The following GPC6 variants were observed in gnomAD, a reference collection of about 807,000 sequenced individuals.
GPC6 encodes glypican 6, also known as glypican-6.
GPC6 carries 14 observed loss-of-function variants against 55.2 expected under a neutral mutation model. That is an observed-to-expected ratio of 0.25 (90% confidence interval 0.17 to 0.40). GPC6 has a LOEUF of 0.40. GPC6 is among the 10% of genes least tolerant of loss of function. The pLI, the probability that GPC6 is intolerant of heterozygous loss-of-function variation, is 1.00. For synonymous variants in GPC6, 278 were observed against 259.6 expected, an observed-to-expected ratio of 1.07 and a Z score of -0.68; for missense variants, 641 against 708.5, an observed-to-expected ratio of 0.90 and a Z score of 1.08.
intron 4 of GPC6, among the ~76,000 whole-genome samples, chr13:94,121,177 A>C (rs1458753376): frequency 1.3e-5 from 2 of 152,004 alleles, no homozygotes; most frequent in Non-Finnish European, 2.9e-5. Flanking sequence ...GCAAGCTTAC[A>C]CCACCATGTG....
chr13:93,940,077 A>T (rs1439183058), intron 3 of GPC6, among the ~76,000 whole-genome samples: 1 of 152,192 alleles, frequency 6.6e-6, no homozygotes, highest in African/African-American at 2.4e-5. Context: ...CTCCCAAAGC[A>T]CTTTATTTCA....
intron 4 of GPC6, among the ~76,000 whole-genome samples, chr13:94,069,241 A>G (rs545432241): frequency 2.6e-5 from 4 of 152,210 alleles, no homozygotes; most frequent in Non-Finnish European, 5.9e-5. Flanking sequence ...CTGAAGCCAT[A>G]GCCAGAGCTG....
rs182178124 is a variant in GPC6, at chr13:93,980,078, C to T, written c.712-47651C>T. Among the ~76,000 whole-genome samples the T allele has an allele frequency of 2.2e-3, 331 of 152,220 alleles. 1 individual carries two copies. The highest frequency in any genetic ancestry group is 7.4e-3 in the African/African-American group (309 of 41,536). ...TGGATTTGGACCAAGAGAGATCTTA[C>T]GATTCCCTCCCACAACAAATGGAAA... is the stretch of plus-strand genomic sequence containing the variant. On this transcript the variant is annotated intron_variant, in intron 3 of 8. Coordinates refer to ENST00000377047, the MANE Select transcript of GPC6 (RefSeq NM_005708.5).
At chr13:94,295,055 A>C (rs909410427) in intron 5 of GPC6, among the ~76,000 whole-genome samples, 2 of 152,198 alleles carry the variant, frequency 1.3e-5, no homozygotes, top group Non-Finnish European at 2.9e-5. Flanking sequence ...TAAGGAATAG[A>C]AAATACCTTA....
intron 4 of GPC6, chr13:94,186,847 G>A (rs2138955889): frequency 6.6e-6 from 1 of 152,282 alleles, no homozygotes; most frequent in East Asian, 1.9e-4. Flanking sequence ...CAAATAGCAG[G>A]CCAGAATCCC....
At chr13:93,395,049 AATGTG>A in intron 1 of GPC6, 1 of 259,308 alleles carries the variant, frequency 3.9e-6, no homozygotes, top group Non-Finnish European at 7.7e-6. Flanking sequence ...ATGGGTCCAA[AATGTG>A]AAGACTGACT....
At chr13:93,821,904 C>T (rs941869125) in intron 2 of GPC6, among the ~76,000 whole-genome samples, 1 of 151,982 alleles carries the variant, frequency 6.6e-6, no homozygotes, top group Non-Finnish European at 1.5e-5. Flanking sequence ...TTAAGACTTA[C>T]AACTGAATTA....
intron 4 of GPC6, among the ~76,000 whole-genome samples, chr13:94,078,212 A>G (rs575621346): frequency 2.1e-4 from 32 of 152,052 alleles, no homozygotes; most frequent in African/African-American, 7.2e-4. Flanking sequence ...AATATCTTGA[A>G]ACTGTGAAAA....
chr13:94,271,243 G>A (rs978314710), intron 4 of GPC6, among the ~76,000 whole-genome samples: 2 of 151,406 alleles, frequency 1.3e-5, no homozygotes, highest in African/African-American at 4.9e-5. Context: ...CACCCGTCTC[G>A]ACCTCCCAAA....
intron 4 of GPC6, among the ~76,000 whole-genome samples, chr13:94,029,835 G>A (rs1040834447): frequency 2.6e-5 from 4 of 152,100 alleles, no homozygotes; most frequent in Non-Finnish European, 2.9e-5. Flanking sequence ...TTATGCTTTC[G>A]ATCAATTGAG....
chr13:94,204,432 A>G (rs1455451940), intron 4 of GPC6, among the ~76,000 whole-genome samples: 1 of 152,162 alleles, frequency 6.6e-6, no homozygotes, highest in Non-Finnish European at 1.5e-5. Flanking sequence ...TGTGACAACA[A>G]AATACATAAA....
At chr13:93,375,285 A>G (rs1874837659) in intron 1 of GPC6, among the ~76,000 whole-genome samples, 1 of 152,246 alleles carries the variant, frequency 6.6e-6, no homozygotes, top group Non-Finnish European at 1.5e-5. Flanking sequence ...TGTGTGCGGT[A>G]ATGTAATAAC....
intron 3 of GPC6, among the ~76,000 whole-genome samples, chr13:94,007,744 A>G (rs1302634576): frequency 6.6e-6 from 1 of 152,116 alleles, no homozygotes; most frequent in Admixed American, 6.6e-5. Flanking sequence ...CTTCTAGCCC[A>G]TTGTGAGTAC....
intron 4 of GPC6, among the ~76,000 whole-genome samples, chr13:94,097,312 C>T (rs1294066126): frequency 4.0e-5 from 6 of 151,838 alleles, no homozygotes; most frequent in Non-Finnish European, 1.5e-5. Context: ...ACCATCCTGG[C>T]TAACACGGTG....
At chr13:93,575,973 C>T (rs1025401510) in intron 2 of GPC6, among the ~76,000 whole-genome samples, 6 of 152,038 alleles carry the variant, frequency 3.9e-5, no homozygotes, top group East Asian at 3.9e-4. Flanking sequence ...CAAGACTGTG[C>T]AAGTCTTCAT....
At chr13:93,977,511 TG>T (rs1880578141) in intron 3 of GPC6, among the ~76,000 whole-genome samples, 1 of 133,222 alleles carries the variant, frequency 7.5e-6, no homozygotes, top group Non-Finnish European at 1.6e-5. Flanking sequence ...TGTGTGTGTG[TG>T]TGTGTGGTGT....
chr13:94,271,380 G>A (rs112272494), intron 4 of GPC6, among the ~76,000 whole-genome samples: 4,895 of 112,508 alleles, frequency 0.044, 107 homozygotes, highest in Non-Finnish European at 0.063. Flanking sequence ...GCGCGCGCGC[G>A]CGCACACACA....
At chr13:93,937,880 T>C (rs946559978) in intron 3 of GPC6, among the ~76,000 whole-genome samples, 2 of 152,208 alleles carry the variant, frequency 1.3e-5, no homozygotes, top group East Asian at 3.9e-4. Flanking sequence ...GCCTGGCTAT[T>C]ACTACCTTTT....
chr13:94,078,682 G>A (rs1049331353), intron 4 of GPC6, among the ~76,000 whole-genome samples: 6 of 151,670 alleles, frequency 4.0e-5, no homozygotes, highest in Non-Finnish European at 5.9e-5. Flanking sequence ...ACAACCTACC[G>A]ACACTGAAAC....
Sources: gnomAD v4.1 joint callset for allele counts (sites outside exome capture counted in the v4.1 genomes callset) on GRCh38, gnomAD v4.1.1 for gene constraint, MANE v1.5 for transcripts, NCBI Gene and HGNC (gene_info 2026-07-23, HGNC 2026-07-21) for gene names.